RBM19: variants seen among roughly 807,000 people sequenced by gnomAD.
The protein encoded by RBM19 is probable RNA-binding protein 19.
In RBM19, 94 loss-of-function variants were observed where a neutral mutation model predicts 116.8. The ratio of observed to expected loss-of-function variants is 0.80; its 90% confidence interval spans 0.68 to 0.95. The LOEUF is 0.95. Among genes scored for constraint, RBM19 ranks in the 40% least tolerant of loss-of-function variants. RBM19 has a pLI of 0.00. For synonymous variants in RBM19, 475 were observed against 494.1 expected (o/e 0.96, Z 0.51); for missense variants, 1,161 against 1,220.7 (o/e 0.95, Z 0.73).
At chr12:113,906,070 T>C (rs181047143) in intron 21 of RBM19, among the ~76,000 whole-genome samples, 1 of 152,264 alleles carries the variant, frequency 6.6e-6, no homozygotes, top group Non-Finnish European at 1.5e-5. Context: ...GAAATAAATA[T>C]CTACTAAAGC....
chr12:113,965,352 AAG>A (rs1002273026), intron 1 of RBM19, among the ~76,000 whole-genome samples: 2 of 152,082 alleles, frequency 1.3e-5, no homozygotes, highest in African/African-American at 4.8e-5. Context: ...AGAGAAAAAA[AAG>A]AGATAAGACA....
intron 21 of RBM19, among the ~76,000 whole-genome samples, chr12:113,891,175 G>A (rs1422409518): frequency 1.3e-5 from 2 of 152,110 alleles, no homozygotes; most frequent in East Asian, 3.9e-4. Context: ...GGCTGCATCA[G>A]GATCCCCAGC....
chr12:113,923,494 C>G lies in RBM19; in HGVS notation c.2305+1203G>C, dbSNP rs140051451. Among the ~76,000 whole-genome samples, 6 of 152,316 alleles carry G rather than the reference C, an allele frequency of 3.9e-5. No individual in the cohort carries two copies. The East Asian group carries it at 9.7e-4, about 25-fold the overall frequency. Reference sequence around the variant, plus strand: ...ATGTTCTGACTTCTGTGCTGTATGTCTGCTTAGAACCCTCCATGGCTCCCC... The same window carrying G: ...ATGTTCTGACTTCTGTGCTGTATGTGTGCTTAGAACCCTCCATGGCTCCCC... On this transcript the variant is annotated intron_variant, in intron 18 of 23. Coordinates refer to ENST00000261741, the MANE Select transcript of RBM19 (RefSeq NM_016196.4).
intron 21 of RBM19, among the ~76,000 whole-genome samples, chr12:113,879,270 GA>G (rs941756561): frequency 5.9e-4 from 89 of 152,124 alleles, no homozygotes; most frequent in Non-Finnish European, 1.0e-3. Context: ...TGGCTGCAAT[GA>G]CACACCTATA....
intron 21 of RBM19, among the ~76,000 whole-genome samples, chr12:113,904,266 G>A (rs1881901175): frequency 6.6e-6 from 1 of 152,190 alleles, no homozygotes; most frequent in Non-Finnish European, 1.5e-5. Flanking sequence ...GATGCTTGCT[G>A]AAGATAGGCA....
intron 15 of RBM19, among the ~76,000 whole-genome samples, chr12:113,937,755 TAAA>T (rs35507198): frequency 1.2e-3 from 140 of 118,788 alleles, no homozygotes; most frequent in South Asian, 2.9e-3. Context: ...TCCTGCCTCT[TAAA>T]AAAAAAAAAA....
rs188949338 is a variant in RBM19 at position 113,832,069 on chromosome 12, G to A, written c.2786-8748C>T. Among the ~76,000 whole-genome samples, 338 of 152,346 alleles carry A rather than the reference G, an allele frequency of 2.2e-3. 1 individual carries two copies. Among genetic ancestry groups the A allele is most frequent in the African/African-American group, 7.7e-3 (320 of 41,572 alleles). On this transcript the variant is annotated intron_variant, in intron 23 of 23. Transcript: ENST00000261741. The stretch of plus-strand genomic sequence containing the variant: ...CCTCCAGCAGCTGAGATAGCCAGGG[G>A]TGTGAGAAAGAGTGGGTTTCCCAGG...
rs140132789 is a variant in RBM19, at chr12:113,845,462, A to G, written c.2665-674T>C. Among the ~76,000 whole-genome samples, 383 of 152,276 alleles carry G rather than the reference A, an allele frequency of 2.5e-3. 1 individual carries two copies. The highest frequency in any genetic ancestry group is 4.6e-3 in the South Asian group (22 of 4,822). ...TCTGCTTTTTAACAGCTATACTGAG[A>G]CAGAATTCACATACTATATACACTG... is the stretch of plus-strand genomic sequence containing the variant. On this transcript the variant is annotated intron_variant, in intron 22 of 23. Coordinates refer to ENST00000261741, the MANE Select transcript of RBM19 (RefSeq NM_016196.4).
At chr12:113,836,490 C>T (rs953594003) in intron 23 of RBM19, among the ~76,000 whole-genome samples, 3 of 151,870 alleles carry the variant, frequency 2.0e-5, no homozygotes, top group Non-Finnish European at 2.9e-5. Context: ...TGAAGGCTTC[C>T]GCTTGGTGGG....
chr12:113,837,079 C>CTACATACATACA (rs59581128), intron 23 of RBM19, among the ~76,000 whole-genome samples: 435 of 136,304 alleles, frequency 3.2e-3, no homozygotes, highest in Middle Eastern at 0.017. Context: ...CCCCTACTTA[C>CTACATACATACA]TACATACATA....
intron 2 of RBM19, among the ~76,000 whole-genome samples, 172 bp from the exon 3 acceptor site, chr12:113,960,350 A>G (rs1872385706): frequency 6.6e-6 from 1 of 152,224 alleles, no homozygotes. Context: ...CTTCAAGTCT[A>G]GAATACAATA....
At chr12:113,842,878 C>T (rs1367739535) in intron 23 of RBM19, among the ~76,000 whole-genome samples, 2 of 152,084 alleles carry the variant, frequency 1.3e-5, no homozygotes, top group African/African-American at 4.8e-5. Flanking sequence ...GCACAGAATC[C>T]TGTCTGGAGT....
intron 21 of RBM19, among the ~76,000 whole-genome samples, chr12:113,859,895 T>C (rs887569523): frequency 2.6e-5 from 4 of 152,086 alleles, no homozygotes; most frequent in Non-Finnish European, 4.4e-5. Context: ...CAAAGACTGA[T>C]TGGGTAAAAA....
In RBM19 at chr12:113,920,707, G is replaced by C. The variant is rs777200576; in HGVS notation, c.2306-17C>G. ...GGAGCACTCCTGAGAGAGAGAGGTGGAAATCACACCAGTCGGTGAAGCGGA... is the reference window on the plus strand; with the variant it reads ...GGAGCACTCCTGAGAGAGAGAGGTGCAAATCACACCAGTCGGTGAAGCGGA... On this transcript the variant is annotated splice_polypyrimidine_tract_variant and intron_variant, in intron 18 of 23. Transcript: ENST00000261741. The C allele has an allele frequency of 4.4e-6, 7 of 1,607,744 alleles. No individual in the cohort carries two copies. In the East Asian group the frequency reaches 1.6e-4, roughly 36 times the overall value.
At chr12:113,952,709 TTC>T (rs1566039458) in intron 7 of RBM19, 119 bp from the exon 8 acceptor site, 1 of 780,864 alleles carries the variant, frequency 1.3e-6, no homozygotes, top group African/African-American at 1.7e-5. Flanking sequence ...TCTTTAGTTT[TTC>T]TCTTTCCTTA....
chr12:113,923,458 G>A (rs1479645437), intron 18 of RBM19, among the ~76,000 whole-genome samples: 1 of 152,148 alleles, frequency 6.6e-6, no homozygotes, highest in Non-Finnish European at 1.5e-5. Context: ...CCCGGCAAAC[G>A]AATACAAGGG....
At chr12:113,943,991 G>A (rs1426139895) in intron 13 of RBM19, among the ~76,000 whole-genome samples, 2 of 151,816 alleles carry the variant, frequency 1.3e-5, no homozygotes. Context: ...AGTGCCTGGT[G>A]GACAGCAATG....
chr12:113,818,459 G>A (rs910977116), downstream of RBM19, among the ~76,000 whole-genome samples: 8 of 152,142 alleles, frequency 5.3e-5, no homozygotes, highest in South Asian at 2.1e-4. Flanking sequence ...ATGGCGCAGC[G>A]CCCTGTGAGT....
Position 113,865,714 on chromosome 12 carries a change from C to G in RBM19, c.2559-6818G>C, listed in dbSNP as rs111962004. 1.6e-4 allele frequency among the ~76,000 whole-genome samples: 24 copies of G among 152,150 alleles called. 1 individual carries two copies. Among genetic ancestry groups the G allele is most frequent in the African/African-American group, 5.5e-4 (23 of 41,512 alleles). ...TCTTTCTGTCCCATAGGATGATGCT[C>G]TTTTATGCAGTGCAACCATATGCTA... On this transcript the variant is annotated intron_variant, in intron 21 of 23. Transcript: ENST00000261741.
Sources: allele counts gnomAD v4.1 joint callset (sites outside exome capture counted in the v4.1 genomes callset), GRCh38; gene constraint gnomAD v4.1.1; transcripts MANE v1.5; gene names NCBI Gene and HGNC (gene_info 2026-07-23, HGNC 2026-07-21).